N4BP2L2: variants seen among roughly 807,000 people sequenced by gnomAD.
The protein encoded by N4BP2L2 is NEDD4-binding protein 2-like 2.
A neutral mutation model predicts 56.2 loss-of-function variants in N4BP2L2; 50 were observed. The observed-to-expected ratio is 0.89, with a 90% CI of 0.71 to 1.13. N4BP2L2 has a LOEUF of 1.13. Among genes scored for constraint, N4BP2L2 ranks in the 50% most tolerant of loss-of-function variants. The probability of loss-of-function intolerance (pLI) is 0.00; values close to 1 mark genes in which losing one functional copy is unlikely to be tolerated. For synonymous variants in N4BP2L2, 203 were observed against 223.6 expected, an observed-to-expected ratio of 0.91 and a Z score of 0.82; for missense variants, 689 against 693.8, an observed-to-expected ratio of 0.99 and a Z score of 0.08.
chr13:32,436,231 G>C (rs2075458644), intron 9 of N4BP2L2: 1 of 437,986 alleles, frequency 2.3e-6, no homozygotes, highest in Non-Finnish European at 4.2e-6. Context: ...GGTTGCTATG[G>C]TAACAAACTT....
intron 3 of N4BP2L2, 106 bp from the exon 4 acceptor site, chr13:32,522,376 C>G (rs919523292): frequency 4.9e-6 from 3 of 608,684 alleles, no homozygotes. Flanking sequence ...TACTTAAAAC[C>G]AAAACTGTGC....
At chr13:32,506,455 T>G (rs2139670567), downstream of N4BP2L2, 1 of 152,318 alleles carries the variant, frequency 6.6e-6, no homozygotes, top group East Asian at 1.9e-4. Flanking sequence ...ATTCACTTAT[T>G]GTATGAATAT....
chr13:32,463,778 T>G (rs1247847990), intron 6 of N4BP2L2, among the ~76,000 whole-genome samples: 1 of 151,126 alleles, frequency 6.6e-6, no homozygotes, highest in Non-Finnish European at 1.5e-5. Flanking sequence ...TTCAATGTGC[T>G]GAGAGAAAAA....
exon 2 of N4BP2L2, chr13:32,535,783 T>C (rs2056408660): frequency 6.2e-7 from 1 of 1,613,088 alleles, no homozygotes; most frequent in African/African-American, 1.3e-5. Flanking sequence ...ACAATGTTGT[T>C]TTCCCAGAAC....
chr13:32,480,753 G>C (rs1227254818), intron 6 of N4BP2L2: 1 of 503,470 alleles, frequency 2.0e-6, no homozygotes, highest in East Asian at 7.4e-5. Context: ...ATAGACTGAA[G>C]AACTCATAGA....
intron 6 of N4BP2L2, among the ~76,000 whole-genome samples, chr13:32,459,541 T>C (rs906545772): frequency 6.6e-6 from 1 of 152,060 alleles, no homozygotes; most frequent in Non-Finnish European, 1.5e-5. Context: ...AATGGATAAA[T>C]TCTGGGACAT....
At chr13:32,490,655 A>G (rs1593821120) in intron 6 of N4BP2L2, among the ~76,000 whole-genome samples, 2 of 152,240 alleles carry the variant, frequency 1.3e-5, no homozygotes, top group East Asian at 1.9e-4. Flanking sequence ...AGCAGTCCCC[A>G]ACCTTTTTGG....
At chr13:32,443,005 T>G in exon 7 of N4BP2L2, 2 of 1,613,778 alleles carry the variant, frequency 1.2e-6, no homozygotes, top group Non-Finnish European at 1.7e-6. Context: ...TTTCTCCCTT[T>G]CTTTTACACC....
In N4BP2L2 at chr13:32,496,723, T is replaced by C. The variant is rs17077622; in HGVS notation, c.365+21134A>G. ...AGGTAAGTGAGAAAACAATCCCTAA[T>C]CCAAAACCGGTACTTATCTACCACA... On this transcript the variant is annotated intron_variant, in intron 6 of 9. Transcript: ENST00000357505. Among the ~76,000 whole-genome samples the C allele has an allele frequency of 2.4e-3, 359 of 152,138 alleles. 2 individuals carry two copies. Among genetic ancestry groups the C allele is most frequent in the African/African-American group, 8.3e-3 (346 of 41,500 alleles).
exon 6 of N4BP2L2, chr13:32,511,390 T>C (rs2048109030): frequency 1.3e-5 from 2 of 152,218 alleles, no homozygotes; most frequent in African/African-American, 2.4e-5. Context: ...TAGTGAATTA[T>C]GTAACAGTGA....
At chr13:32,462,895 T>C (rs2080440755) in intron 6 of N4BP2L2, among the ~76,000 whole-genome samples, 1 of 100,068 alleles carries the variant, frequency 1.0e-5, no homozygotes, top group African/African-American at 4.1e-5. Context: ...AAAAAAAAAT[T>C]AGCCAGGCAC....
At chr13:32,443,048 G>A (rs766198308) in exon 7 of N4BP2L2, 2 of 1,606,884 alleles carry the variant, frequency 1.2e-6, no homozygotes. Context: ...TCAAAATTTG[G>A]TACCAAATTG....
chr13:32,467,249 T>C (rs1375213023), intron 6 of N4BP2L2, among the ~76,000 whole-genome samples: 1 of 150,688 alleles, frequency 6.6e-6, no homozygotes, highest in East Asian at 1.9e-4. Flanking sequence ...GTTGTTATTA[T>C]GAGAGAGGGG....
At chr13:32,434,063 T>C in intron 9 of N4BP2L2, among the ~76,000 whole-genome samples, 1 of 151,856 alleles carries the variant, frequency 6.6e-6, no homozygotes, top group Non-Finnish European at 1.5e-5. Flanking sequence ...CTCCATACTT[T>C]GCACAGTTTT....
chr13:32,487,062 C>T (rs1566110958), intron 6 of N4BP2L2, among the ~76,000 whole-genome samples: 1 of 151,900 alleles, frequency 6.6e-6, no homozygotes, highest in Non-Finnish European at 1.5e-5. Flanking sequence ...CACAGTGGCC[C>T]GCACCCGTAA....
chr13:32,442,597 G>A, exon 7 of N4BP2L2: 1 of 1,613,860 alleles, frequency 6.2e-7, no homozygotes, highest in Non-Finnish European at 8.5e-7. Context: ...AGAGCACGAA[G>A]TATCAGGATG....
chr13:32,527,464 C>T (rs1251285938), exon 3 of N4BP2L2: 1 of 1,613,934 alleles, frequency 6.2e-7, no homozygotes, highest in East Asian at 2.2e-5. Context: ...ATACCTGTAC[C>T]CATCTTGATG....
At chr13:32,535,284 G>A (rs2056256060) in intron 2 of N4BP2L2, among the ~76,000 whole-genome samples, 1 of 152,180 alleles carries the variant, frequency 6.6e-6, no homozygotes, top group South Asian at 2.1e-4. Context: ...CTAACACTGA[G>A]TCCAACTTTC....
intron 6 of N4BP2L2, among the ~76,000 whole-genome samples, chr13:32,504,032 C>CT (rs553863429): frequency 9.2e-4 from 140 of 152,230 alleles, no homozygotes; most frequent in Non-Finnish European, 1.8e-3. Context: ...AGAGTCTTGT[C>CT]TAAGAATTCT....
Sources: allele counts gnomAD v4.1 joint callset (sites outside exome capture counted in the v4.1 genomes callset), GRCh38; gene constraint gnomAD v4.1.1; transcripts MANE v1.5; gene names NCBI Gene and HGNC (gene_info 2026-07-23, HGNC 2026-07-21).